FAM193A: variants seen among roughly 807,000 people sequenced by gnomAD.
FAM193A encodes family with sequence similarity 193 member A.
A neutral mutation model predicts 126.5 loss-of-function variants in FAM193A; 22 were observed. The ratio of observed to expected loss-of-function variants is 0.17; its 90% CI spans 0.12 to 0.25. The LOEUF (loss-of-function observed/expected upper bound fraction) is 0.25. FAM193A is among the 10% of genes least tolerant of loss of function. The probability of loss-of-function intolerance (pLI) is 1.00; values close to 1 mark genes in which losing one functional copy is unlikely to be tolerated. For missense variants in FAM193A, 1,675 were observed against 1,672.8 expected (o/e 1.00, Z -0.02); for synonymous variants, 761 against 646.8 (o/e 1.18, Z -2.68).
intron 2 of FAM193A, among the ~76,000 whole-genome samples, chr4:2,605,246 A>G (rs1357535521): frequency 1.3e-5 from 2 of 152,154 alleles, no homozygotes; most frequent in Non-Finnish European, 2.9e-5. Context: ...AACCCCTTCT[A>G]GTCATTACCC....
intron 7 of FAM193A, chr4:2,655,038 CT>C (rs146356244): frequency 6.4e-5 from 43 of 674,138 alleles, no homozygotes; most frequent in Middle Eastern, 2.3e-4. Context: ...CATTTGTCCC[CT>C]TTTTTTGGCT....
intron 1 of FAM193A, among the ~76,000 whole-genome samples, chr4:2,543,311 T>C (rs1474773735): frequency 2.0e-5 from 3 of 151,786 alleles, no homozygotes; most frequent in African/African-American, 7.3e-5. Context: ...ATGGTCTCGA[T>C]CTCCTGACCT....
At chr4:2,581,567 A>G (rs1739944011) in intron 1 of FAM193A, among the ~76,000 whole-genome samples, 1 of 150,666 alleles carries the variant, frequency 6.6e-6, no homozygotes, top group Admixed American at 6.6e-5. Flanking sequence ...GAAATACTTC[A>G]ACATTTTATG....
At chr4:2,649,492 G>T (rs557662973) in intron 7 of FAM193A, among the ~76,000 whole-genome samples, 2 of 151,730 alleles carry the variant, frequency 1.3e-5, no homozygotes, top group Admixed American at 1.3e-4. Context: ...GGGTGACATA[G>T]ATAGACCTTG....
intron 5 of FAM193A, among the ~76,000 whole-genome samples, chr4:2,632,723 A>G (rs1743718926): frequency 6.6e-6 from 1 of 152,006 alleles, no homozygotes. Flanking sequence ...ATCCTGTTTC[A>G]AGGTCTGAGT....
rs185288791 is a variant in FAM193A at position 2,545,169 on chromosome 4, T to G, written c.255+7999T>G. ...CGCCATGCCCAGCTAATTTTCGTAT[T>G]TTTAGTAGAGATGGGGTTTCACCAT... On this transcript the variant is annotated intron_variant, in intron 1 of 20. Transcript: ENST00000637812. Among the ~76,000 whole-genome samples, 15 of 152,228 alleles carry G rather than the reference T, an allele frequency of 9.9e-5. No homozygotes were observed. The East Asian group carries it at 2.5e-3, about 25-fold the overall frequency.
intron 1 of FAM193A, among the ~76,000 whole-genome samples, chr4:2,560,769 TG>T (rs1738562935): frequency 6.6e-6 from 1 of 152,182 alleles, no homozygotes; most frequent in Non-Finnish European, 1.5e-5. Context: ...TATTTTCCTT[TG>T]TATTCAGATT....
At chr4:2,536,108 C>A (rs1309434969), upstream of FAM193A, among the ~76,000 whole-genome samples, 1 of 151,750 alleles carries the variant, frequency 6.6e-6, no homozygotes, top group African/African-American at 2.4e-5. Flanking sequence ...GCCCCTGGTG[C>A]ATCCCGGGAG....
intron 13 of FAM193A, among the ~76,000 whole-genome samples, chr4:2,681,535 C>T (rs1242350201): frequency 6.6e-6 from 1 of 152,154 alleles, no homozygotes; most frequent in Non-Finnish European, 1.5e-5. Context: ...ACTGCAACCT[C>T]GACCTCCTGG....
chr4:2,591,930 G>T (rs1386508140), intron 1 of FAM193A, among the ~76,000 whole-genome samples: 1 of 152,088 alleles, frequency 6.6e-6, no homozygotes, highest in East Asian at 1.9e-4. Context: ...CAGCAATACT[G>T]CCATCTTAGC....
At chr4:2,555,975 G>C (rs1738232085) in intron 1 of FAM193A, among the ~76,000 whole-genome samples, 1 of 151,262 alleles carries the variant, frequency 6.6e-6, no homozygotes, top group African/African-American at 2.4e-5. Flanking sequence ...CCTGATCTCG[G>C]CTCCCTGAAC....
At chr4:2,631,292 C>T in intron 5 of FAM193A, 123 bp downstream of exon 5, 2 of 819,370 alleles carry the variant, frequency 2.4e-6, no homozygotes, top group Non-Finnish European at 3.8e-6. Flanking sequence ...TGTGATAGGC[C>T]CCTCTTCTCT....
At chr4:2,652,064 G>A (rs1272757239) in intron 7 of FAM193A, among the ~76,000 whole-genome samples, 2 of 152,132 alleles carry the variant, frequency 1.3e-5, no homozygotes, top group Admixed American at 6.5e-5. Flanking sequence ...TTCATTTCAG[G>A]GACACATCTG....
intron 1 of FAM193A, among the ~76,000 whole-genome samples, chr4:2,554,094 TA>T (rs1738112132): frequency 6.6e-6 from 1 of 152,196 alleles, no homozygotes; most frequent in South Asian, 2.1e-4. Flanking sequence ...TTTATTTATT[TA>T]TTTTTTTGAG....
intron 1 of FAM193A, among the ~76,000 whole-genome samples, chr4:2,587,665 G>T (rs1391238341): frequency 6.6e-6 from 1 of 152,072 alleles, no homozygotes; most frequent in African/African-American, 2.4e-5. Flanking sequence ...CTGCAGTCCA[G>T]CCTAGGCAAC....
intron 1 of FAM193A, among the ~76,000 whole-genome samples, chr4:2,556,007 C>A (rs1179174381): frequency 1.3e-5 from 2 of 151,974 alleles, no homozygotes; most frequent in African/African-American, 4.8e-5. Context: ...GGCGATTCCC[C>A]TGTCTCAGCC....
intron 1 of FAM193A, among the ~76,000 whole-genome samples, chr4:2,563,996 G>A (rs1192395597): frequency 6.6e-6 from 1 of 152,148 alleles, no homozygotes; most frequent in Admixed American, 6.6e-5. Context: ...TTTCTGTATT[G>A]CTTAGGGTTC....
intron 13 of FAM193A, among the ~76,000 whole-genome samples, chr4:2,680,514 C>T (rs528634672): frequency 3.3e-5 from 5 of 151,962 alleles, no homozygotes; most frequent in African/African-American, 1.2e-4. Context: ...TGGACTCTTC[C>T]AGAGAGAAGA....
rs576730153 is a variant in FAM193A, at chr4:2,678,389, A to G, written c.2331+6017A>G. ...TTTTTTTTTTTTTTTTTGAGACAGA[A>G]TCTCACTTTGTCGCCTACGCTGGAG... On this transcript the variant is annotated intron_variant, in intron 13 of 20. Coordinates refer to ENST00000637812, the MANE Select transcript of FAM193A (RefSeq NM_001366318.2). Among the ~76,000 whole-genome samples, 6 of 139,650 alleles carry G rather than the reference A, an allele frequency of 4.3e-5. 1 individual carries two copies. The South Asian group carries it at 1.4e-3, about 32-fold the overall frequency. 91.6% of individuals were successfully genotyped at this position (139,650 alleles called of 152,430 possible). A position where few individuals can be genotyped will look rare whatever the true frequency, so the allele number is the denominator to read the frequency against.
Sources: allele counts gnomAD v4.1 joint callset (sites outside exome capture counted in the v4.1 genomes callset), GRCh38; gene constraint gnomAD v4.1.1; transcripts MANE v1.5; gene names NCBI Gene and HGNC (gene_info 2026-07-23, HGNC 2026-07-21).